CSMD1: variants seen among roughly 807,000 people sequenced by gnomAD.
CSMD1 encodes the protein CUB and Sushi multiple domains 1, also known as CUB and sushi domain-containing protein 1.
In CSMD1, 213 loss-of-function variants were observed where a neutral mutation model predicts 417.5. The ratio of observed to expected loss-of-function variants is 0.51; its 90% CI spans 0.46 to 0.57. CSMD1 has a LOEUF of 0.57. Ranked by LOEUF, CSMD1 falls within the 20% of genes least tolerant of loss-of-function variation. The pLI, the probability that CSMD1 is intolerant of heterozygous loss-of-function variation, is 0.00. For missense variants in CSMD1, 6,923 were observed against 4,529.7 expected (o/e 1.53, Z -15.17); for synonymous variants, 2,862 against 1,736.8 (o/e 1.65, Z -16.11).
intron 2 of CSMD1, among the ~76,000 whole-genome samples, chr8:4,552,602 TCA>T (rs994740619): frequency 2.0e-5 from 3 of 152,050 alleles, no homozygotes; most frequent in Non-Finnish European, 2.9e-5. Context: ...ACTTCTGGAA[TCA>T]CAGTGAGTTT....
chr8:3,650,476 A>G (rs560137994), intron 7 of CSMD1, among the ~76,000 whole-genome samples: 27 of 152,294 alleles, frequency 1.8e-4, no homozygotes, highest in African/African-American at 6.3e-4. Flanking sequence ...CTCTAGGACT[A>G]AATTAAGCTT....
intron 5 of CSMD1, among the ~76,000 whole-genome samples, chr8:3,936,704 C>G (rs760754961): frequency 6.6e-6 from 1 of 152,174 alleles, no homozygotes; most frequent in Non-Finnish European, 1.5e-5. Context: ...TGACAGAGAT[C>G]TACTAGGAGA....
At chr8:2,978,468 G>A in intron 55 of CSMD1, 144 bp downstream of exon 55, 3 of 654,160 alleles carry the variant, frequency 4.6e-6, no homozygotes, top group Non-Finnish European at 7.7e-6. Flanking sequence ...TCGATCTACA[G>A]CTATCATAAA....
intron 1 of CSMD1, among the ~76,000 whole-genome samples, chr8:4,965,195 A>T (rs1809779333): frequency 6.6e-6 from 1 of 152,202 alleles, no homozygotes; most frequent in Non-Finnish European, 1.5e-5. Flanking sequence ...GAAAACACAC[A>T]TGAAGGGCCT....
intron 3 of CSMD1, among the ~76,000 whole-genome samples, chr8:4,120,926 C>T (rs943232870): frequency 6.6e-6 from 1 of 151,980 alleles, no homozygotes; most frequent in Non-Finnish European, 1.5e-5. Context: ...TTCCTATGTG[C>T]CTGAAAATGT....
intron 11 of CSMD1, among the ~76,000 whole-genome samples, chr8:3,479,244 G>C (rs1366105154): frequency 2.0e-5 from 3 of 151,930 alleles, no homozygotes; most frequent in Admixed American, 1.3e-4. Context: ...ATATTAGGTG[G>C]GTACAAAAGC....
chr8:3,875,266 G>C (rs983639150), intron 5 of CSMD1, among the ~76,000 whole-genome samples: 1 of 152,130 alleles, frequency 6.6e-6, no homozygotes, highest in Non-Finnish European at 1.5e-5. Context: ...TGAGAAGAAG[G>C]ATAAAAGGCA....
In CSMD1 at chr8:4,543,688, A is replaced by C. The variant is rs536674129; in HGVS notation, c.302+93654T>G. ...TTAATTTTGAAAAAAAAAAAAAAAA[A>C]AAAAAAAAAAAACCCACACCAAAGT... On this transcript the variant is annotated intron_variant, in intron 2 of 69. Coordinates refer to ENST00000635120, the MANE Select transcript of CSMD1 (RefSeq NM_033225.6). Among the ~76,000 whole-genome samples, 922 of 150,044 alleles carry C rather than the reference A, an allele frequency of 6.1e-3. 16 individuals are homozygous for C. The highest frequency in any genetic ancestry group is 0.022 in the African/African-American group (888 of 40,866).
At chr8:3,665,708 C>A (rs945375524) in intron 7 of CSMD1, among the ~76,000 whole-genome samples, 4 of 152,040 alleles carry the variant, frequency 2.6e-5, no homozygotes, top group African/African-American at 9.7e-5. Flanking sequence ...ACCATCGCTA[C>A]ATATCTTATC....
In CSMD1 at chr8:3,644,966, GAAAAAAAA is replaced by G. The variant is rs71203456; in HGVS notation, c.1010-28177_1010-28170del. Among the ~76,000 whole-genome samples, 8 of 64,522 alleles carry G rather than the reference GAAAAAAAA, an allele frequency of 1.2e-4. No individual in the cohort carries two copies. The East Asian group carries it at 1.6e-3, about 13-fold the overall frequency. 42.3% of individuals were successfully genotyped at this position (64,522 alleles called of 152,430 possible). ...GTTACGGATCACTAAGGCTTTAAAT[GAAAAAAAA>G]AAAAAAAAAAAAAAAAAGTCAATTG... On this transcript the variant is annotated intron_variant, in intron 7 of 69. Transcript: ENST00000635120.
chr8:4,364,353 A>G (rs1801947783), intron 3 of CSMD1, among the ~76,000 whole-genome samples: 1 of 152,184 alleles, frequency 6.6e-6, no homozygotes, highest in Non-Finnish European at 1.5e-5. Context: ...ATCTTACCTA[A>G]GAAAACAGCT....
chr8:4,455,948 A>AAAAAAAAAAAAAAAAT, intron 2 of CSMD1, among the ~76,000 whole-genome samples: 1 of 141,080 alleles, frequency 7.1e-6, no homozygotes, highest in Non-Finnish European at 1.5e-5. Flanking sequence ...AAAAAAAAAA[A>AAAAAAAAAAAAAAAAT]AAAAAAAAAA....
intron 7 of CSMD1, among the ~76,000 whole-genome samples, chr8:3,633,766 T>G (rs980701837): frequency 1.3e-5 from 2 of 152,202 alleles, no homozygotes; most frequent in African/African-American, 4.8e-5. Context: ...CCCATAGGCA[T>G]TGCTTTATAA....
intron 5 of CSMD1, among the ~76,000 whole-genome samples, chr8:3,908,870 A>G (rs1170716787): frequency 1.3e-5 from 2 of 152,206 alleles, no homozygotes; most frequent in East Asian, 3.8e-4. Context: ...CTGTGAGGTA[A>G]TATAATAACA....
chr8:4,627,764 T>C (rs1242530854), intron 2 of CSMD1, among the ~76,000 whole-genome samples: 1 of 152,164 alleles, frequency 6.6e-6, no homozygotes, highest in East Asian at 1.9e-4. Flanking sequence ...TCTTTAAGCT[T>C]CGGCCTTGAA....
chr8:3,357,440 C>G (rs528394978), intron 21 of CSMD1, among the ~76,000 whole-genome samples: 8 of 152,218 alleles, frequency 5.3e-5, no homozygotes, highest in Admixed American at 5.2e-4. Flanking sequence ...TGGAAGGAGC[C>G]TGAAGCAGTG....
chr8:3,442,531 G>C lies in CSMD1; in HGVS notation c.1561+26181C>G, dbSNP rs549698867. ...TTACTTCTTGTTACAATTGCCTGTA[G>C]TATTACAGTCACATGCTGTACAGGT... On this transcript the variant is annotated intron_variant, in intron 12 of 69. Transcript: ENST00000635120. Among the ~76,000 whole-genome samples, 50 of 152,248 alleles carry C rather than the reference G, an allele frequency of 3.3e-4. 3 individuals are homozygous for C. In the South Asian group the frequency reaches 0.01, roughly 31 times the overall value.
chr8:4,686,329 T>A (rs145217018), intron 1 of CSMD1, among the ~76,000 whole-genome samples: 2 of 152,196 alleles, frequency 1.3e-5, no homozygotes, highest in African/African-American at 4.8e-5. Flanking sequence ...TCCTGATTGA[T>A]TGGATTCAGG....
In CSMD1 at chr8:4,863,046, A is replaced by G. The variant is rs150455618; in HGVS notation, c.85+131286T>C. On this transcript the variant is annotated intron_variant, in intron 1 of 69. Coordinates refer to ENST00000635120, the MANE Select transcript of CSMD1 (RefSeq NM_033225.6). ...CTGACAGCGACCCTTGGGCTTGACA[A>G]TGTGAGGTCCCTGGTGATTCTGGTG... Among the ~76,000 whole-genome samples the G allele has an allele frequency of 4.8e-4, 73 of 152,168 alleles. 1 individual carries two copies. Among genetic ancestry groups the G allele is most frequent in the African/African-American group, 1.6e-3 (66 of 41,468 alleles).
Sources: allele counts gnomAD v4.1 joint callset (sites outside exome capture counted in the v4.1 genomes callset), GRCh38; gene constraint gnomAD v4.1.1; transcripts MANE v1.5; gene names NCBI Gene and HGNC (gene_info 2026-07-23, HGNC 2026-07-21).